The following CNTNAP5 variants were observed in gnomAD, a reference collection of about 807,000 sequenced individuals.
CNTNAP5 encodes the protein contactin associated protein family member 5.
CNTNAP5 carries 72 observed loss-of-function variants against 150.2 expected under a neutral mutation model. The observed-to-expected ratio is 0.48, with a 90% confidence interval of 0.40 to 0.58. The LOEUF (loss-of-function observed/expected upper bound fraction) is 0.58. Ranked by LOEUF, CNTNAP5 falls within the 20% of genes least tolerant of loss-of-function variation. CNTNAP5 has a pLI of 0.00. For synonymous variants in CNTNAP5, 672 were observed against 619.8 expected (o/e 1.08, Z -1.25); for missense variants, 1,636 against 1,626.2 (o/e 1.01, Z -0.10).
intron 1 of CNTNAP5, among the ~76,000 whole-genome samples, chr2:124,201,759 A>G (rs1685734054): frequency 6.6e-6 from 1 of 152,238 alleles, no homozygotes; most frequent in South Asian, 2.1e-4. Flanking sequence ...GGAAAGCAGT[A>G]TTTGAAATTG....
intron 3 of CNTNAP5, among the ~76,000 whole-genome samples, chr2:124,260,673 T>C (rs143219926): frequency 2.1e-3 from 317 of 152,188 alleles, no homozygotes; most frequent in African/African-American, 7.1e-3. Flanking sequence ...CCGGTAATAC[T>C]TTCAACCAGC....
intron 3 of CNTNAP5, among the ~76,000 whole-genome samples, chr2:124,397,176 G>A (rs1236710241): frequency 6.6e-6 from 1 of 152,178 alleles, no homozygotes; most frequent in Non-Finnish European, 1.5e-5. Flanking sequence ...TATTTAGATT[G>A]TGTGATTACT....
chr2:124,115,142 CTATTA>C lies in CNTNAP5; in HGVS notation c.82+89415_82+89419del, dbSNP rs1201368798. Reference sequence around the variant, plus strand: ...TTTACATATTACTAGAATCATTTGACTATTATATTTTATTTTTTAAGGATGACATA... The same window carrying C: ...TTTACATATTACTAGAATCATTTGACTATTTTATTTTTTAAGGATGACATA... On this transcript the variant is annotated intron_variant, in intron 1 of 23. Transcript: ENST00000682447. Among the ~76,000 whole-genome samples the C allele has an allele frequency of 2.6e-5, 4 of 151,954 alleles. No homozygotes were observed. In the East Asian group the frequency reaches 5.8e-4, roughly 22 times the overall value.
At chr2:124,218,253 G>A (rs569156407) in intron 1 of CNTNAP5, among the ~76,000 whole-genome samples, 1 of 152,190 alleles carries the variant, frequency 6.6e-6, no homozygotes, top group South Asian at 2.1e-4. Flanking sequence ...CACATGCTTA[G>A]CGTTCCAATA....
At chr2:124,760,006 T>G (rs1163731198) in intron 14 of CNTNAP5, among the ~76,000 whole-genome samples, 2 of 147,448 alleles carry the variant, frequency 1.4e-5, no homozygotes, top group African/African-American at 5.0e-5. Flanking sequence ...AGAGAAATAA[T>G]TGCTCCTTAA....
intron 21 of CNTNAP5, among the ~76,000 whole-genome samples, chr2:124,874,845 GT>G (rs1182298234): frequency 6.6e-5 from 10 of 152,058 alleles, no homozygotes; most frequent in Non-Finnish European, 1.5e-4. Flanking sequence ...TGCAGCCAAC[GT>G]TTGTTAATCT....
intron 11 of CNTNAP5, among the ~76,000 whole-genome samples, chr2:124,587,379 A>G (rs1423905267): frequency 1.3e-5 from 2 of 152,168 alleles, no homozygotes; most frequent in Non-Finnish European, 2.9e-5. Flanking sequence ...ATCAACTTGT[A>G]AACAATTTTT....
intron 12 of CNTNAP5, among the ~76,000 whole-genome samples, chr2:124,644,360 C>A (rs1234470286): frequency 6.6e-6 from 1 of 151,986 alleles, no homozygotes; most frequent in East Asian, 1.9e-4. Context: ...ACCAATGCAG[C>A]TGAGGAAGAA....
intron 12 of CNTNAP5, among the ~76,000 whole-genome samples, chr2:124,611,435 A>T (rs1677383026): frequency 6.6e-6 from 1 of 152,306 alleles, no homozygotes; most frequent in Admixed American, 6.5e-5. Context: ...AACTTTCTTT[A>T]TCTCTCCAAA....
chr2:124,234,543 C>T (rs1464805305), intron 2 of CNTNAP5, among the ~76,000 whole-genome samples: 1 of 152,052 alleles, frequency 6.6e-6, no homozygotes, highest in African/African-American at 2.4e-5. Context: ...CATGACACTC[C>T]CATCCAAGTT....
chr2:124,534,735 T>A (rs901903392), intron 10 of CNTNAP5, among the ~76,000 whole-genome samples: 5 of 152,246 alleles, frequency 3.3e-5, no homozygotes, highest in African/African-American at 1.2e-4. Flanking sequence ...ACAAAAAATG[T>A]AATGAACAAT....
intron 1 of CNTNAP5, among the ~76,000 whole-genome samples, chr2:124,204,396 C>T (rs1685810175): frequency 6.6e-6 from 1 of 152,200 alleles, no homozygotes; most frequent in African/African-American, 2.4e-5. Context: ...CCCACATTTT[C>T]CTATCTTCTT....
intron 1 of CNTNAP5, among the ~76,000 whole-genome samples, chr2:124,066,983 G>C (rs1682177243): frequency 6.6e-6 from 1 of 152,096 alleles, no homozygotes; most frequent in Non-Finnish European, 1.5e-5. Context: ...AGACTACATT[G>C]TACTCTTCAA....
intron 3 of CNTNAP5, 172 bp downstream of exon 3, chr2:124,242,565 C>T: frequency 1.7e-6 from 1 of 599,402 alleles, no homozygotes; most frequent in South Asian, 2.5e-5. Context: ...GTTCTACTTC[C>T]TAGGAAAATT....
chr2:124,558,170 C>T (rs1030178696), intron 10 of CNTNAP5, among the ~76,000 whole-genome samples: 1 of 152,114 alleles, frequency 6.6e-6, no homozygotes, highest in Admixed American at 6.6e-5. Flanking sequence ...TTGATAATTG[C>T]AGTTATTCTG....
At chr2:124,033,718 A>G (rs1383754821) in intron 1 of CNTNAP5, among the ~76,000 whole-genome samples, 1 of 152,154 alleles carries the variant, frequency 6.6e-6, no homozygotes, top group Non-Finnish European at 1.5e-5. Context: ...AGGCCCCTTG[A>G]TTGCAATGCT....
rs551674666 is a variant in CNTNAP5, at chr2:124,357,720, T to G, written c.382-59723T>G. ...TTTTGGTTACTGTAGCCTTGTAGTATAGTTTGAAGTCAGGTAGTGTGATGC... is the reference window on the plus strand; with the variant it reads ...TTTTGGTTACTGTAGCCTTGTAGTAGAGTTTGAAGTCAGGTAGTGTGATGC... On this transcript the variant is annotated intron_variant, in intron 3 of 23. Coordinates refer to ENST00000682447, the MANE Select transcript of CNTNAP5 (RefSeq NM_001367498.1). 2.9e-3 allele frequency among the ~76,000 whole-genome samples: 412 copies of G among 142,706 alleles called. 3 individuals carry two copies. The highest frequency in any genetic ancestry group is 7.4e-3 in the Middle Eastern group (2 of 272). The allele number at this position is 142,706 out of a possible 152,430, so 93.6% of individuals were successfully genotyped here.
intron 6 of CNTNAP5, among the ~76,000 whole-genome samples, chr2:124,459,407 C>T (rs1447319138): frequency 1.3e-5 from 2 of 152,158 alleles, no homozygotes; most frequent in African/African-American, 4.8e-5. Context: ...TCTGCCCTCT[C>T]CTCTCAGAAT....
At chr2:124,029,926 G>A (rs918871585) in intron 1 of CNTNAP5, among the ~76,000 whole-genome samples, 1 of 151,988 alleles carries the variant, frequency 6.6e-6, no homozygotes, top group African/African-American at 2.4e-5. Context: ...AAATCCCAGA[G>A]GACAATTGGA....
Sources: gnomAD v4.1 joint callset for allele counts (sites outside exome capture counted in the v4.1 genomes callset) on GRCh38, gnomAD v4.1.1 for gene constraint, MANE v1.5 for transcripts, NCBI Gene and HGNC (gene_info 2026-07-23, HGNC 2026-07-21) for gene names.